Variants in SUGCT observed in about 807,000 individuals in gnomAD.
SUGCT encodes succinyl-CoA:glutarate-CoA transferase.
A neutral mutation model predicts 55.0 loss-of-function variants in SUGCT; 41 were observed. That is an observed-to-expected ratio of 0.74 (90% CI 0.58 to 0.97). The LOEUF (loss-of-function observed/expected upper bound fraction) is 0.97, where lower values mean the gene tolerates loss of function less well. Ranked by LOEUF, SUGCT falls within the 50% of genes least tolerant of loss-of-function variation. SUGCT has a pLI of 0.00. For missense variants in SUGCT, 568 were observed against 547.8 expected (o/e 1.04, Z -0.37); for synonymous variants, 187 against 200.4 (o/e 0.93, Z 0.56).
At chr7:40,621,237 A>G (rs1193531137) in intron 12 of SUGCT, among the ~76,000 whole-genome samples, 1 of 152,194 alleles carries the variant, frequency 6.6e-6, no homozygotes, top group Non-Finnish European at 1.5e-5. Context: ...TACACAAGGA[A>G]GTCAGCAATT....
chr7:40,570,677 T>C (rs1212341378), intron 12 of SUGCT, among the ~76,000 whole-genome samples: 1 of 152,170 alleles, frequency 6.6e-6, no homozygotes, highest in Non-Finnish European at 1.5e-5. Context: ...TCTTTGACTT[T>C]GCAGCAATTG....
chr7:40,401,181 G>T (rs557444007), intron 9 of SUGCT, among the ~76,000 whole-genome samples: 1 of 152,106 alleles, frequency 6.6e-6, no homozygotes, highest in Non-Finnish European at 1.5e-5. Flanking sequence ...AAATTATAGT[G>T]TCTGGCCTTA....
At chr7:40,720,021 A>G (rs1426794371) in intron 12 of SUGCT, among the ~76,000 whole-genome samples, 1 of 152,046 alleles carries the variant, frequency 6.6e-6, no homozygotes, top group Non-Finnish European at 1.5e-5. Flanking sequence ...CCTAACCTCA[A>G]GTGATCCACC....
the SUGCT span, among the ~76,000 whole-genome samples, chr7:40,919,534 C>G: frequency 6.6e-6 from 1 of 152,140 alleles, no homozygotes. Flanking sequence ...GACAGGTTTC[C>G]TCATCCTAGC....
the SUGCT span, among the ~76,000 whole-genome samples, chr7:40,950,668 G>GA: frequency 6.6e-6 from 1 of 152,046 alleles, no homozygotes; most frequent in Non-Finnish European, 1.5e-5. Flanking sequence ...TAACATGAAG[G>GA]GCTGTTGAAT....
intron 12 of SUGCT, among the ~76,000 whole-genome samples, chr7:40,582,135 C>T (rs546508342): frequency 2.0e-5 from 3 of 151,984 alleles, no homozygotes; most frequent in East Asian, 1.9e-4. Context: ...GAAAAGTCAC[C>T]GAGAGAGATT....
intron 7 of SUGCT, among the ~76,000 whole-genome samples, chr7:40,250,831 T>C (rs10227353): frequency 0.033 from 1,261 of 37,880 alleles, 109 homozygotes; most frequent in Non-Finnish European, 0.062. Context: ...CACGCTTCTT[T>C]TTTTTTTTTT....
the SUGCT span, among the ~76,000 whole-genome samples, chr7:40,983,711 GAT>G: frequency 6.6e-6 from 1 of 152,134 alleles, no homozygotes; most frequent in South Asian, 2.1e-4. Flanking sequence ...CATTTTTAAA[GAT>G]CTATGCTCTG....
intron 12 of SUGCT, among the ~76,000 whole-genome samples, chr7:40,643,530 A>G (rs961652029): frequency 6.6e-6 from 1 of 152,208 alleles, no homozygotes; most frequent in Non-Finnish European, 1.5e-5. Context: ...TGTCCCATTC[A>G]ACAAGAACAC....
At chr7:40,765,785 G>C (rs1247271834) in intron 13 of SUGCT, among the ~76,000 whole-genome samples, 1 of 152,166 alleles carries the variant, frequency 6.6e-6, no homozygotes, top group Non-Finnish European at 1.5e-5. Context: ...TATTTGAGCA[G>C]TTTCTGAAGT....
the SUGCT span, among the ~76,000 whole-genome samples, chr7:40,881,829 G>A: frequency 3.3e-5 from 5 of 152,146 alleles, no homozygotes; most frequent in Non-Finnish European, 7.3e-5. Context: ...AGGGAAAGCC[G>A]AAGGAGGAGC....
At chr7:40,190,001 A>G (rs1785794484) in intron 5 of SUGCT, among the ~76,000 whole-genome samples, 1 of 152,118 alleles carries the variant, frequency 6.6e-6, no homozygotes, top group Admixed American at 6.6e-5. Flanking sequence ...TGACATTTGG[A>G]TCTGGGTCAC....
At chr7:40,756,992 C>T (rs551784173) in intron 13 of SUGCT, among the ~76,000 whole-genome samples, 2 of 152,248 alleles carry the variant, frequency 1.3e-5, no homozygotes, top group South Asian at 2.1e-4. Context: ...TAGGGTACTT[C>T]CCAAAGTCCT....
At chr7:40,455,349 T>C (rs922483409) in intron 10 of SUGCT, among the ~76,000 whole-genome samples, 6 of 152,082 alleles carry the variant, frequency 3.9e-5, no homozygotes, top group African/African-American at 1.4e-4. Context: ...TTCAAAAATA[T>C]CAACAACATT....
intron 9 of SUGCT, among the ~76,000 whole-genome samples, chr7:40,384,447 T>C (rs1785015885): frequency 6.6e-6 from 1 of 152,174 alleles, no homozygotes; most frequent in Non-Finnish European, 1.5e-5. Flanking sequence ...TATCTTTATG[T>C]TTTGTCTTCT....
At chr7:40,263,047 C>G (rs1418617725) in intron 7 of SUGCT, among the ~76,000 whole-genome samples, 1 of 152,192 alleles carries the variant, frequency 6.6e-6, no homozygotes, top group Non-Finnish European at 1.5e-5. Flanking sequence ...CTCAGCCTCC[C>G]CAGTAGCTGA....
At chr7:40,262,036 G>A (rs1180603624) in intron 7 of SUGCT, among the ~76,000 whole-genome samples, 1 of 152,146 alleles carries the variant, frequency 6.6e-6, no homozygotes, top group Non-Finnish European at 1.5e-5. Context: ...CAGGCTAGAT[G>A]ATATTTTGGG....
chr7:40,759,558 G>T (rs539876760), intron 13 of SUGCT, among the ~76,000 whole-genome samples: 32 of 151,938 alleles, frequency 2.1e-4, no homozygotes, highest in Non-Finnish European at 4.4e-4. Context: ...CCAGCTCTGG[G>T]TGTATCTTTA....
chr7:41,006,026 A>C, the SUGCT span, among the ~76,000 whole-genome samples: 3 of 152,186 alleles, frequency 2.0e-5, no homozygotes, highest in Non-Finnish European at 4.4e-5. Context: ...TGTATTGATA[A>C]ATATCTGAAA....
Sources: gnomAD v4.1 joint callset for allele counts (sites outside exome capture counted in the v4.1 genomes callset) on GRCh38, gnomAD v4.1.1 for gene constraint, MANE v1.5 for transcripts, NCBI Gene and HGNC (gene_info 2026-07-23, HGNC 2026-07-21) for gene names.